The following FILIP1L variants were observed in gnomAD, a reference collection of about 807,000 sequenced individuals.
The protein encoded by FILIP1L is filamin A interacting protein 1 like.
In FILIP1L, 55 loss-of-function variants were observed where a neutral mutation model predicts 96.6. That is an observed-to-expected ratio of 0.57 (90% CI 0.46 to 0.71). FILIP1L has a LOEUF of 0.71. FILIP1L is among the 30% of genes least tolerant of loss of function. FILIP1L has a pLI of 0.00. For synonymous variants in FILIP1L, 467 were observed against 473.9 expected (o/e 0.99, Z 0.19); for missense variants, 1,304 against 1,321.2 (o/e 0.99, Z 0.20).
chr3:100,062,193 GC>G (rs2107347685), intron 1 of FILIP1L, among the ~76,000 whole-genome samples: 1 of 134,160 alleles, frequency 7.5e-6, no homozygotes, highest in Admixed American at 8.5e-5. Context: ...CTCACTGCAA[GC>G]TCCGCCTCCC....
chr3:100,030,500 T>C (rs1444893550), intron 1 of FILIP1L, among the ~76,000 whole-genome samples: 1 of 152,212 alleles, frequency 6.6e-6, no homozygotes, highest in African/African-American at 2.4e-5. Flanking sequence ...TTCTCATTCA[T>C]GCATGTCTCA....
chr3:100,084,357 T>C (rs1451535553), intron 1 of FILIP1L, among the ~76,000 whole-genome samples: 2 of 152,216 alleles, frequency 1.3e-5, no homozygotes, highest in South Asian at 2.1e-4. Context: ...TTTATAAGCT[T>C]AGGTCCATCA....
At chr3:99,984,060 T>TGTGTGTGTGTGTGTGTGTGTTTG (rs1559714079) in intron 1 of FILIP1L, among the ~76,000 whole-genome samples, 19 of 25,024 alleles carry the variant, frequency 7.6e-4, no homozygotes, top group East Asian at 4.7e-3. Flanking sequence ...GTATGTGTGT[T>TGTGTGTGTGTGTGTGTGTGTTTG]TGTGTGTGTG....
chr3:100,010,771 C>T (rs997323497), intron 1 of FILIP1L, among the ~76,000 whole-genome samples: 4 of 136,466 alleles, frequency 2.9e-5, no homozygotes, highest in Admixed American at 8.0e-5. Context: ...CGCGCCTCCA[C>T]GCCCGGATTT....
At chr3:99,974,827 C>T (rs1290922315) in intron 1 of FILIP1L, among the ~76,000 whole-genome samples, 2 of 152,112 alleles carry the variant, frequency 1.3e-5, no homozygotes, top group Non-Finnish European at 2.9e-5. Flanking sequence ...ATAATTTAGT[C>T]CTTAGGAGAT....
intron 4 of FILIP1L, among the ~76,000 whole-genome samples, chr3:99,914,721 T>C (rs536178638): frequency 6.6e-6 from 1 of 152,336 alleles, no homozygotes; most frequent in Admixed American, 6.5e-5. Context: ...ATAAGAATTC[T>C]AAAACAATAA....
intron 1 of FILIP1L, among the ~76,000 whole-genome samples, chr3:100,074,675 AT>A (rs555819875): frequency 2.9e-4 from 10 of 34,776 alleles, no homozygotes; most frequent in African/African-American, 1.2e-3. Flanking sequence ...GCAACATTTG[AT>A]TTTTTTTTTT....
At chr3:100,084,710 A>G (rs1033893442) in intron 1 of FILIP1L, among the ~76,000 whole-genome samples, 7 of 152,238 alleles carry the variant, frequency 4.6e-5, no homozygotes, top group African/African-American at 1.7e-4. Flanking sequence ...GATATTACAG[A>G]TCAACCTCAC....
At chr3:100,003,617 G>A (rs989884520) in intron 1 of FILIP1L, among the ~76,000 whole-genome samples, 3 of 152,016 alleles carry the variant, frequency 2.0e-5, no homozygotes, top group African/African-American at 2.4e-5. Context: ...TTTTTCCAGT[G>A]CATCACAAGT....
intron 4 of FILIP1L, among the ~76,000 whole-genome samples, chr3:99,923,443 C>T (rs1707185792): frequency 6.6e-6 from 1 of 152,228 alleles, no homozygotes; most frequent in African/African-American, 2.4e-5. Flanking sequence ...GCCCCATTCC[C>T]ATATTTCATA....
intron 1 of FILIP1L, among the ~76,000 whole-genome samples, chr3:100,012,221 T>A (rs1710177375): frequency 6.6e-6 from 1 of 152,178 alleles, no homozygotes; most frequent in Non-Finnish European, 1.5e-5. Context: ...TCTAAAATTA[T>A]TTGTTTTATA....
chr3:99,848,032 T>C (rs1943446477), intron 5 of FILIP1L: 2 of 1,189,432 alleles, frequency 1.7e-6, no homozygotes, highest in South Asian at 6.9e-5. Context: ...CATAAAGATG[T>C]ATTTATACAA....
At chr3:100,049,461 GTCT>G (rs2065333600) in intron 1 of FILIP1L, among the ~76,000 whole-genome samples, 1 of 152,170 alleles carries the variant, frequency 6.6e-6, no homozygotes, top group South Asian at 2.1e-4. Context: ...TTAAGAGGGA[GTCT>G]TCTTTTTATT....
intron 4 of FILIP1L, among the ~76,000 whole-genome samples, chr3:99,896,534 A>G (rs938055886): frequency 7.2e-5 from 11 of 152,178 alleles, no homozygotes; most frequent in African/African-American, 2.7e-4. Context: ...CCCAAAAGAG[A>G]ACGTAGTCAG....
chr3:99,878,595 A>G (rs1705618137), intron 4 of FILIP1L, among the ~76,000 whole-genome samples: 1 of 152,238 alleles, frequency 6.6e-6, no homozygotes, highest in African/African-American at 2.4e-5. Context: ...TTTATTTTCT[A>G]GACTGAATCT....
At chr3:100,061,888 T>C (rs2065572626) in intron 1 of FILIP1L, among the ~76,000 whole-genome samples, 1 of 152,116 alleles carries the variant, frequency 6.6e-6, no homozygotes, top group Non-Finnish European at 1.5e-5. Context: ...AAAATATATA[T>C]AATACAAAAT....
chr3:99,937,171 C>T (rs1361005786), intron 1 of FILIP1L, among the ~76,000 whole-genome samples: 1 of 152,090 alleles, frequency 6.6e-6, no homozygotes, highest in Non-Finnish European at 1.5e-5. Context: ...CTCCTGACCA[C>T]AGGTGATCCA....
chr3:99,850,724 T>C lies in FILIP1L; in HGVS notation c.952A>G (p.Ser318Gly), dbSNP rs755320859. Residue 318 changes from serine to glycine, a missense_variant, in exon 5 of 6, where the codon AGT (serine) becomes GGT (glycine). By Grantham distance (56) the Ser-to-Gly change is moderately conservative. Transcript: ENST00000477258. The part of the protein sequence containing the change: ...TIMAKLTNED[S>G]QNRQLQQKLA... Reference sequence around the variant, plus strand: ...TTTTGTTGAAGCTGGCGATTTTGACTGTCCTCATTGGTGAGCTTCGCCATA... The same window carrying C: ...TTTTGTTGAAGCTGGCGATTTTGACCGTCCTCATTGGTGAGCTTCGCCATA... 4 of 1,614,232 alleles carry C rather than the reference T, an allele frequency of 2.5e-6. No individual in the cohort carries two copies. Among genetic ancestry groups the C allele is most frequent in the Middle Eastern group, 1.6e-4 (1 of 6,062 alleles).
chr3:99,841,709 A>G (rs1171816123), intron 5 of FILIP1L, among the ~76,000 whole-genome samples: 1 of 152,210 alleles, frequency 6.6e-6, no homozygotes, highest in East Asian at 1.9e-4. Context: ...AGATATACAA[A>G]TGGCAAACAC....
Sources: allele counts gnomAD v4.1 joint callset (sites outside exome capture counted in the v4.1 genomes callset), GRCh38; gene constraint gnomAD v4.1.1; transcripts MANE v1.5; gene names NCBI Gene and HGNC (gene_info 2026-07-23, HGNC 2026-07-21).